The following TMEM63C variants were observed in gnomAD, a reference collection of about 807,000 sequenced individuals.
The protein encoded by TMEM63C is transmembrane protein 63C.
Under a neutral mutation model 99.2 loss-of-function variants are expected in TMEM63C, and 32 were observed. The ratio of observed to expected loss-of-function variants is 0.32; its 90% CI spans 0.24 to 0.43. The LOEUF (loss-of-function observed/expected upper bound fraction) is 0.43, where lower values mean the gene tolerates loss of function less well. Ranked by LOEUF, TMEM63C falls within the 20% of genes least tolerant of loss-of-function variation. The pLI is 1.00. For synonymous variants in TMEM63C, 376 were observed against 397.9 expected (o/e 0.94, Z 0.66); for missense variants, 826 against 1,053.0 (o/e 0.78, Z 2.98).
intron 6 of TMEM63C, among the ~76,000 whole-genome samples, chr14:77,229,613 A>AATATATATCT (rs1555348256): frequency 3.4e-5 from 4 of 117,936 alleles, no homozygotes; most frequent in Non-Finnish European, 5.6e-5. Context: ...ACACCCAGCT[A>AATATATATCT]ATATATATAT....
chr14:77,254,566 C>T (rs1403741499), intron 23 of TMEM63C, among the ~76,000 whole-genome samples: 1 of 152,138 alleles, frequency 6.6e-6, no homozygotes, highest in South Asian at 2.1e-4. Flanking sequence ...ATGAGCCTGG[C>T]GCTTTGCTGT....
At chr14:77,195,018 C>T (rs899187051) in intron 1 of TMEM63C, among the ~76,000 whole-genome samples, 8 of 151,824 alleles carry the variant, frequency 5.3e-5, no homozygotes, top group African/African-American at 1.9e-4. Context: ...ATCTAGGAGG[C>T]GGAGGCGAGA....
intron 23 of TMEM63C, among the ~76,000 whole-genome samples, 158 bp from the exon 24 acceptor site, chr14:77,256,368 G>C (rs1889460894): frequency 6.6e-6 from 1 of 152,178 alleles, no homozygotes; most frequent in Non-Finnish European, 1.5e-5. Context: ...CAATTAGGTG[G>C]GTGGGACAGA....
In TMEM63C at chr14:77,213,949, G is replaced by A. The variant is rs533858542; in HGVS notation, c.-14+441G>A. 1.3e-4 allele frequency among the ~76,000 whole-genome samples: 20 copies of A among 152,176 alleles called. 1 individual carries two copies. In the South Asian group the frequency reaches 3.5e-3, roughly 27 times the overall value. On this transcript the variant is annotated intron_variant, in intron 2 of 23. Transcript: ENST00000298351. ...AGAGGGTGGGAGTGGGAGGAGTTTTGTGCACCCCTTCTGTTTCCAGGACTA... is the reference window on the plus strand; with the variant it reads ...AGAGGGTGGGAGTGGGAGGAGTTTTATGCACCCCTTCTGTTTCCAGGACTA...
intron 1 of TMEM63C, among the ~76,000 whole-genome samples, chr14:77,195,255 A>G (rs1888196063): frequency 6.6e-6 from 1 of 152,198 alleles, no homozygotes; most frequent in African/African-American, 2.4e-5. Flanking sequence ...GTTCACCGCC[A>G]ATCTTTATTT....
intron 1 of TMEM63C, among the ~76,000 whole-genome samples, chr14:77,202,995 C>T (rs1888328579): frequency 6.6e-6 from 1 of 152,236 alleles, no homozygotes; most frequent in South Asian, 2.1e-4. Flanking sequence ...CTTATTACAA[C>T]ACTTACCCAG....
intron 1 of TMEM63C, among the ~76,000 whole-genome samples, chr14:77,209,641 G>A (rs1258335454): frequency 6.6e-6 from 1 of 152,208 alleles, no homozygotes; most frequent in Non-Finnish European, 1.5e-5. Flanking sequence ...ACAAGGTTCA[G>A]ACAGGGCTGG....
chr14:77,186,210 G>A (rs1015546069), intron 1 of TMEM63C, among the ~76,000 whole-genome samples: 5 of 151,952 alleles, frequency 3.3e-5, no homozygotes, highest in African/African-American at 1.2e-4. Flanking sequence ...ACAGGGTTTC[G>A]CCATGTTGGC....
chr14:77,215,127 A>G (rs1187954684), intron 2 of TMEM63C, among the ~76,000 whole-genome samples: 1 of 152,008 alleles, frequency 6.6e-6, no homozygotes, highest in Non-Finnish European at 1.5e-5. Flanking sequence ...TCAATTCAAG[A>G]TCATGAGCCT....
At chr14:77,190,841 A>G (rs1369410468) in intron 1 of TMEM63C, among the ~76,000 whole-genome samples, 1 of 152,220 alleles carries the variant, frequency 6.6e-6, no homozygotes, top group Non-Finnish European at 1.5e-5. Context: ...CAAGGAAAGA[A>G]TAATCATGAC....
At chr14:77,245,517 G>A (rs1889254938) in intron 16 of TMEM63C, among the ~76,000 whole-genome samples, 2 of 152,214 alleles carry the variant, frequency 1.3e-5, no homozygotes, top group Admixed American at 1.3e-4. Flanking sequence ...TGCTGATAAA[G>A]ACATACTCAA....
At chr14:77,198,988 T>C (rs1278699647) in intron 1 of TMEM63C, among the ~76,000 whole-genome samples, 1 of 152,110 alleles carries the variant, frequency 6.6e-6, no homozygotes, top group East Asian at 1.9e-4. Flanking sequence ...ATGACCCTGC[T>C]CTCAGGGGGC....
intron 21 of TMEM63C, among the ~76,000 whole-genome samples, chr14:77,250,073 G>A (rs1253098734): frequency 2.0e-5 from 3 of 152,162 alleles, no homozygotes; most frequent in Non-Finnish European, 2.9e-5. Context: ...GGGCTAAAGC[G>A]ATCCCCTGGC....
chr14:77,238,254 A>T (rs1173791406), intron 9 of TMEM63C, among the ~76,000 whole-genome samples: 3 of 152,144 alleles, frequency 2.0e-5, no homozygotes, highest in African/African-American at 7.2e-5. Context: ...TTCCCTAGAG[A>T]TGTGAGGCTT....
rs1353963607 is a variant in TMEM63C at position 77,249,308 on chromosome 14, A to T, written c.1888A>T (p.Met630Leu). 3.7e-6 allele frequency: 6 copies of T among 1,613,904 alleles called. No homozygotes were observed. The highest frequency in any genetic ancestry group is 5.1e-6 in the Non-Finnish European group (6 of 1,179,888). ...IVPFGLLYLC[M>L]KHLTDRYNMY... ...TCCCCCAGGGTTGCTCTACCTGTGC[A>T]TGAAGCACTTGACGGATCGCTATAA... Residue 630 changes from methionine to leucine, a missense_variant, in exon 21 of 24, where the codon ATG becomes TTG. Physicochemically the swap from Met to Leu is conservative, Grantham distance 15. Transcript: ENST00000298351.
intron 10 of TMEM63C, 104 bp from the exon 11 acceptor site, chr14:77,239,308 C>T: frequency 2.7e-6 from 3 of 1,123,544 alleles, no homozygotes; most frequent in Non-Finnish European, 4.0e-6. Flanking sequence ...GAACACCAGG[C>T]AGCTGAGCCA....
intron 1 of TMEM63C, among the ~76,000 whole-genome samples, chr14:77,190,285 A>G (rs1888080830): frequency 6.6e-6 from 1 of 152,118 alleles, no homozygotes; most frequent in South Asian, 2.1e-4. Flanking sequence ...AGTTTTCATA[A>G]AATTCTCCTC....
At chr14:77,239,766 T>G (rs746366407) in intron 12 of TMEM63C, 40 bp downstream of exon 12, 12 of 1,604,032 alleles carry the variant, frequency 7.5e-6, no homozygotes, top group South Asian at 6.7e-5. Flanking sequence ...AAGGGAGCGG[T>G]GGGGTCCTGG....
chr14:77,186,761 T>C (rs746990411), intron 1 of TMEM63C, among the ~76,000 whole-genome samples: 3 of 102,262 alleles, frequency 2.9e-5, no homozygotes, highest in Non-Finnish European at 6.6e-5. Context: ...GGGGGAATCT[T>C]CTCAGAACCA....
Sources: allele counts gnomAD v4.1 joint callset (sites outside exome capture counted in the v4.1 genomes callset), GRCh38; gene constraint gnomAD v4.1.1; transcripts MANE v1.5; gene names NCBI Gene and HGNC (gene_info 2026-07-23, HGNC 2026-07-21).